Variants in CNIH1 observed in about 807,000 individuals in gnomAD.
CNIH1 encodes the protein protein cornichon homolog 1.
A neutral mutation model predicts 20.2 loss-of-function variants in CNIH1; 12 were observed. The ratio of observed to expected loss-of-function variants is 0.59; its 90% CI spans 0.38 to 0.96. The LOEUF is 0.96. Among genes scored for constraint, CNIH1 ranks in the 40% least tolerant of loss-of-function variants. CNIH1 has a pLI of 0.00. For synonymous variants in CNIH1, 69 were observed against 63.3 expected (o/e 1.09, Z -0.43); for missense variants, 152 against 178.8 (o/e 0.85, Z 0.85).
chr14:54,430,074 G>C, intron 4 of CNIH1, 187 bp downstream of exon 4: 1 of 580,388 alleles, frequency 1.7e-6, no homozygotes, highest in Non-Finnish European at 3.0e-6. Flanking sequence ...ATGGCAGGCT[G>C]GTTTACTGCC....
At chr14:54,437,815 A>G (rs1383394942) in intron 1 of CNIH1, among the ~76,000 whole-genome samples, 1 of 152,174 alleles carries the variant, frequency 6.6e-6, no homozygotes, top group Non-Finnish European at 1.5e-5. Context: ...CTGCTACTTG[A>G]CGTCAGCCGT....
rs1161350954 is a variant in CNIH1 at position 54,441,331 on chromosome 14, T to C, written c.-4A>G. On this transcript the variant is annotated 5_prime_UTR_variant, in exon 1 of 5. Transcript: ENST00000216416. ...AGGCCGCGAACGTGAACGCCATGGC[T>C]GGGGAGGAGGAGCGGGGAGCGGCGC... The C allele has an allele frequency of 4.7e-6, 7 of 1,501,816 alleles. No homozygotes were observed. The highest frequency in any genetic ancestry group is 1.4e-5 in the African/African-American group (1 of 69,480). 93.0% of individuals were successfully genotyped at this position (1,501,816 alleles called of 1,614,324 possible).
chr14:54,438,781 A>T (rs976892199), intron 1 of CNIH1, among the ~76,000 whole-genome samples: 2 of 152,170 alleles, frequency 1.3e-5, no homozygotes, highest in Non-Finnish European at 2.9e-5. Context: ...CTGATCCCCA[A>T]TGTTGGAGGC....
intron 2 of CNIH1, 113 bp downstream of exon 2, chr14:54,436,256 C>T: frequency 2.7e-6 from 2 of 733,038 alleles, no homozygotes; most frequent in Non-Finnish European, 2.5e-6. Context: ...CTGCCTACTT[C>T]AAAAAGTACA....
rs2030800239 is a variant in CNIH1 at position 54,425,144 on chromosome 14, T to C, written c.*2670A>G. 6.6e-6 allele frequency: 1 copy of C among 152,066 alleles called. No homozygotes were observed. The highest frequency in any genetic ancestry group is 2.4e-5 in the African/African-American group (1 of 41,380). The allele number at this position is 152,066 out of a possible 1,614,324, so 9.4% of individuals were successfully genotyped here. On this transcript the variant is annotated 3_prime_UTR_variant, in exon 5 of 5. Transcript: ENST00000216416. ...ATACCTCCTTAGTATTAAAGGGCCA[T>C]ACTGCCACAATATAGTATTATTACT...
intron 1 of CNIH1, among the ~76,000 whole-genome samples, chr14:54,439,579 G>A (rs2031127800): frequency 6.6e-6 from 1 of 150,926 alleles, no homozygotes. Flanking sequence ...TTTTGAGACG[G>A]AGTCTCCGCC....
intron 1 of CNIH1, among the ~76,000 whole-genome samples, chr14:54,437,015 C>T (rs1319935985): frequency 6.6e-6 from 1 of 152,230 alleles, no homozygotes; most frequent in Admixed American, 6.5e-5. Flanking sequence ...CCTCCCTTGG[C>T]ACAGTGCTCA....
intron 3 of CNIH1, among the ~76,000 whole-genome samples, chr14:54,431,356 G>A (rs1438869207): frequency 6.6e-6 from 1 of 152,016 alleles, no homozygotes; most frequent in East Asian, 1.9e-4. Flanking sequence ...TTGAACTCCT[G>A]ACCTTGTGAT....
Position 54,441,373 on chromosome 14 carries a change from A to G in CNIH1, c.-46T>C. On this transcript the variant is annotated 5_prime_UTR_variant, in exon 1 of 5. Transcript: ENST00000216416. Reference sequence around the variant, plus strand: ...GAGCGGCGCCGTTGCCAGCGGAGAAAGGCGGCGCAGGGCCCTCTGGGTAAA... The same window carrying G: ...GAGCGGCGCCGTTGCCAGCGGAGAAGGGCGGCGCAGGGCCCTCTGGGTAAA... 1 of 1,465,016 alleles carries G rather than the reference A, an allele frequency of 6.8e-7. No homozygotes were observed. Among genetic ancestry groups the G allele is most frequent in the Non-Finnish European group, 9.1e-7 (1 of 1,095,622 alleles). 90.8% of individuals were successfully genotyped at this position (1,465,016 alleles called of 1,614,324 possible).
Position 54,423,563 on chromosome 14 carries a change from C to T in CNIH1, c.*4251G>A, listed in dbSNP as rs2030770391. On this transcript the variant is annotated 3_prime_UTR_variant, in exon 5 of 5. Transcript: ENST00000216416. ...ATTATGCATAAACTACACAAGGAAA[C>T]ATTTAAGACAGCTTTTATTAAATAC... is the stretch of plus-strand genomic sequence containing the variant. 1 of 152,130 alleles carries T rather than the reference C, an allele frequency of 6.6e-6. No individual in the cohort carries two copies. The highest frequency in any genetic ancestry group is 2.4e-5 in the African/African-American group (1 of 41,440). The allele number at this position is 152,130 out of a possible 1,614,324, so 9.4% of individuals were successfully genotyped here.
chr14:54,432,142 G>C lies in CNIH1; in HGVS notation c.229C>G (p.Leu77Val). ...TGATATGCCAAGAGGGGCATATTGA[G>C]ACCCAGTGTAAGCCACTCTGCTGCA... is the stretch of plus-strand genomic sequence containing the variant. ...LCAAEWLTLG[L>V]NMPLLAYHIW... The change falls in exon 3 of 5, where the codon CTC becomes GTC. Residue 77 changes from leucine to valine, a missense_variant. Physicochemically the swap from Leu to Val is conservative, Grantham distance 32. Transcript: ENST00000216416. 1 of 1,563,336 alleles carries C rather than the reference G, an allele frequency of 6.4e-7. No individual in the cohort carries two copies. The highest frequency in any genetic ancestry group is 8.7e-7 in the Non-Finnish European group (1 of 1,153,408).
At chr14:54,433,922 C>T (rs752886161) in intron 2 of CNIH1, among the ~76,000 whole-genome samples, 5 of 152,014 alleles carry the variant, frequency 3.3e-5, no homozygotes, top group African/African-American at 1.2e-4. Flanking sequence ...AGTCCAGAAA[C>T]ATTTACTACC....
At chr14:54,438,181 T>C (rs1300106068) in intron 1 of CNIH1, among the ~76,000 whole-genome samples, 2 of 152,184 alleles carry the variant, frequency 1.3e-5, no homozygotes, top group Admixed American at 6.5e-5. Context: ...GATTTTACCA[T>C]GTTGCCCAGG....
At chr14:54,430,718 A>T (rs942003346) in intron 3 of CNIH1, among the ~76,000 whole-genome samples, 1 of 152,218 alleles carries the variant, frequency 6.6e-6, no homozygotes, top group Non-Finnish European at 1.5e-5. Context: ...GACTTACAGA[A>T]AAGATACAAG....
chr14:54,430,013 T>A (rs1594616108), intron 4 of CNIH1: 1 of 458,080 alleles, frequency 2.2e-6, no homozygotes, highest in East Asian at 3.9e-5. Context: ...ACTGACTGAA[T>A]GTGTCTGAAA....
At chr14:54,428,280 G>T (rs2030866845) in intron 4 of CNIH1, among the ~76,000 whole-genome samples, 2 of 152,120 alleles carry the variant, frequency 1.3e-5, no homozygotes, top group African/African-American at 4.8e-5. Context: ...CCATTGTATA[G>T]AAAGGAATGA....
chr14:54,439,340 C>T (rs1242087855), intron 1 of CNIH1, among the ~76,000 whole-genome samples: 3 of 151,996 alleles, frequency 2.0e-5, no homozygotes, highest in Admixed American at 2.0e-4. Flanking sequence ...CCCAGACACG[C>T]ATTTGTTTAA....
At chr14:54,430,774 C>T (rs537714493) in intron 3 of CNIH1, among the ~76,000 whole-genome samples, 69 of 152,092 alleles carry the variant, frequency 4.5e-4, no homozygotes, top group African/African-American at 1.5e-3. Flanking sequence ...ACTATATTTG[C>T]TTTCTCCTTC....
chr14:54,432,930 G>C (rs1170530599), intron 2 of CNIH1, among the ~76,000 whole-genome samples: 1 of 152,076 alleles, frequency 6.6e-6, no homozygotes, highest in Non-Finnish European at 1.5e-5. Flanking sequence ...CTTTACCCCT[G>C]CTTGCCAACA....
Sources: allele counts gnomAD v4.1 joint callset (sites outside exome capture counted in the v4.1 genomes callset), GRCh38; gene constraint gnomAD v4.1.1; transcripts MANE v1.5; gene names NCBI Gene and HGNC (gene_info 2026-07-23, HGNC 2026-07-21).